Variants in ERCC8 observed in about 807,000 individuals in gnomAD.
ERCC8 encodes the protein ERCC excision repair 8, CSA ubiquitin ligase complex subunit.
Under a neutral mutation model 54.9 loss-of-function variants are expected in ERCC8, and 52 were observed. The observed-to-expected ratio is 0.95, with a 90% CI of 0.76 to 1.19. The LOEUF (loss-of-function observed/expected upper bound fraction) is 1.19. Ranked by LOEUF, ERCC8 falls within the 50% of genes most tolerant of loss-of-function variation. The probability of loss-of-function intolerance (pLI) is 0.00; values close to 1 mark genes in which losing one functional copy is unlikely to be tolerated. For synonymous variants in ERCC8, 146 were observed against 157.2 expected, an observed-to-expected ratio of 0.93 and a Z score of 0.53; for missense variants, 514 against 466.1, an observed-to-expected ratio of 1.10 and a Z score of -0.95.
chr5:60,930,556 T>TAAAAACAAAAAC (rs4647057), intron 1 of ERCC8, among the ~76,000 whole-genome samples: 14 of 150,096 alleles, frequency 9.3e-5, no homozygotes, highest in Admixed American at 5.3e-4. Flanking sequence ...AGACTCCGTC[T>TAAAAACAAAAAC]AAAAACAAAA....
intron 4 of ERCC8, among the ~76,000 whole-genome samples, chr5:60,910,268 A>G (rs1749219571): frequency 6.6e-6 from 1 of 152,166 alleles, no homozygotes; most frequent in Non-Finnish European, 1.5e-5. Context: ...ACTTACCAAT[A>G]TCACATTGCC....
At chr5:60,906,984 G>T (rs1393848483) in intron 4 of ERCC8, among the ~76,000 whole-genome samples, 2 of 152,110 alleles carry the variant, frequency 1.3e-5, no homozygotes, top group Admixed American at 1.3e-4. Context: ...TACAAAAAAA[G>T]GCCATGAGCC....
Position 60,938,067 on chromosome 5 carries a change from A to G in ERCC8, c.77+6865T>C, listed in dbSNP as rs1561518971. Among the ~76,000 whole-genome samples the G allele has an allele frequency of 3.4e-4, 7 of 20,780 alleles. No homozygotes were observed. In the East Asian group the frequency reaches 0.02, roughly 59 times the overall value. 13.6% of individuals were successfully genotyped at this position (20,780 alleles called of 152,430 possible). On this transcript the variant is annotated intron_variant, in intron 1 of 11. Transcript: ENST00000676185. ...TACATACATATATATATATATATATATATATATATATATATATATTTTATT... is the reference window on the plus strand; with the variant it reads ...TACATACATATATATATATATATATGTATATATATATATATATATTTTATT...
intron 11 of ERCC8, among the ~76,000 whole-genome samples, chr5:60,878,610 G>T (rs1748095542): frequency 6.6e-6 from 1 of 152,174 alleles, no homozygotes; most frequent in South Asian, 2.1e-4. Context: ...GAGGGTGTAT[G>T]TGTCCAGGAA....
At chr5:60,892,955 C>T (rs1006518904) in intron 9 of ERCC8, 2 of 760,730 alleles carry the variant, frequency 2.6e-6, no homozygotes, top group African/African-American at 3.4e-5. Context: ...TCCCCAGAAC[C>T]CTCATGAGGT....
chr5:60,938,038 TAC>T lies in ERCC8; in HGVS notation c.77+6892_77+6893del, dbSNP rs1320927660. Among the ~76,000 whole-genome samples, 108 of 17,866 alleles carry T rather than the reference TAC, an allele frequency of 6.0e-3. 1 individual carries two copies. Among genetic ancestry groups the T allele is most frequent in the African/African-American group, 0.014 (93 of 6,888 alleles). The allele number at this position is 17,866 out of a possible 152,430, so 11.7% of individuals were successfully genotyped here. On this transcript the variant is annotated intron_variant, in intron 1 of 11. Transcript: ENST00000676185. ...GTGTGTGTGTGTATACATACATACA[TAC>T]ATACATACATATATATATATATATA...
intron 3 of ERCC8, among the ~76,000 whole-genome samples, chr5:60,921,306 T>C (rs552195972): frequency 6.6e-6 from 1 of 152,094 alleles, no homozygotes; most frequent in African/African-American, 2.4e-5. Context: ...AGATAGTTGA[T>C]GTTAATGTTT....
At chr5:60,921,933 T>C (rs543117619) in intron 3 of ERCC8, 121 bp downstream of exon 3, 1 of 580,936 alleles carries the variant, frequency 1.7e-6, no homozygotes, top group African/African-American at 1.9e-5. Flanking sequence ...GCCATGCAAA[T>C]GTGTTATGTG....
rs566262927 is a variant in ERCC8 at position 60,881,278 on chromosome 5, G to C, written c.1122+6162C>G. Among the ~76,000 whole-genome samples the C allele has an allele frequency of 8.9e-4, 136 of 152,286 alleles. 1 individual carries two copies. Among genetic ancestry groups the C allele is most frequent in the South Asian group, 2.7e-3 (13 of 4,824 alleles). On this transcript the variant is annotated intron_variant, in intron 11 of 11. Transcript: ENST00000676185. ...AGGTGTCAGTCTGCCCCTACTGGGG[G>C]GTGCCTCACAGTTAGGCTACTCGGC...
intron 3 of ERCC8, among the ~76,000 whole-genome samples, chr5:60,921,598 T>C (rs1749601674): frequency 1.3e-5 from 2 of 151,928 alleles, no homozygotes; most frequent in African/African-American, 2.4e-5. Flanking sequence ...TGAGTGGGTA[T>C]ATGTGTATGT....
rs1052890274 is a variant in ERCC8, at chr5:60,898,167, C to A, written c.843+109G>T. ...CATAGTAGAAACACATTTTTAAAAA[C>A]AGCTGTGATTAAAAGGGAATAAATG... On this transcript the variant is annotated intron_variant, in intron 9 of 11. Transcript: ENST00000676185. 5.6e-6 allele frequency: 7 copies of A among 1,257,630 alleles called. No individual in the cohort carries two copies. In the Admixed American group the frequency reaches 1.2e-4, roughly 22 times the overall value. 77.9% of individuals were successfully genotyped at this position (1,257,630 alleles called of 1,614,324 possible).
chr5:60,904,385 T>C (rs1272739160), intron 5 of ERCC8, among the ~76,000 whole-genome samples: 4 of 151,758 alleles, frequency 2.6e-5, no homozygotes, highest in East Asian at 1.9e-4. Context: ...TTTATATAAA[T>C]TGATGCTTAA....
chr5:60,900,321 C>G (rs1376238636), intron 7 of ERCC8, among the ~76,000 whole-genome samples: 1 of 151,692 alleles, frequency 6.6e-6, no homozygotes, highest in Admixed American at 6.6e-5. Flanking sequence ...TTCAAGTAAG[C>G]AAAAAGAAGA....
intron 11 of ERCC8, among the ~76,000 whole-genome samples, chr5:60,879,360 A>C (rs1381854849): frequency 6.6e-6 from 1 of 152,134 alleles, no homozygotes; most frequent in African/African-American, 2.4e-5. Flanking sequence ...TTTGGGGTGG[A>C]GAGTTCTGTA....
At chr5:60,892,594 T>C in intron 9 of ERCC8, 1 of 671,814 alleles carries the variant, frequency 1.5e-6, no homozygotes, top group Non-Finnish European at 2.8e-6. Flanking sequence ...AAGTGCTCAG[T>C]AGTCTGGTAC....
chr5:60,879,811 C>G (rs1206492019), intron 11 of ERCC8, among the ~76,000 whole-genome samples: 2 of 152,200 alleles, frequency 1.3e-5, no homozygotes, highest in Non-Finnish European at 2.9e-5. Flanking sequence ...GGTCTTGACT[C>G]TTTATCCAAT....
chr5:60,920,402 T>G (rs141118419), intron 3 of ERCC8, among the ~76,000 whole-genome samples: 1 of 152,096 alleles, frequency 6.6e-6, no homozygotes, highest in African/African-American at 2.4e-5. Flanking sequence ...TATTTTAAGT[T>G]TAAATTTTAA....
chr5:60,883,332 AG>A (rs1429602835), intron 11 of ERCC8, among the ~76,000 whole-genome samples: 2 of 152,260 alleles, frequency 1.3e-5, no homozygotes, highest in Admixed American at 6.5e-5. Flanking sequence ...AAAATGTTGT[AG>A]ATGGATGTGG....
intron 4 of ERCC8, among the ~76,000 whole-genome samples, chr5:60,911,992 T>C (rs2112507091): frequency 6.6e-6 from 1 of 152,302 alleles, no homozygotes; most frequent in South Asian, 2.1e-4. Flanking sequence ...TTGTTTACTG[T>C]AGCCTGGTAG....
Sources: allele counts gnomAD v4.1 joint callset (sites outside exome capture counted in the v4.1 genomes callset), GRCh38; gene constraint gnomAD v4.1.1; transcripts MANE v1.5; gene names NCBI Gene and HGNC (gene_info 2026-07-23, HGNC 2026-07-21).